Variants in CUBN observed in about 807,000 individuals in gnomAD.
The protein encoded by CUBN is 460 kDa receptor.
CUBN carries 282 observed loss-of-function variants against 405.3 expected under a neutral mutation model. The observed-to-expected ratio is 0.70, with a 90% confidence interval of 0.63 to 0.77. CUBN has a LOEUF of 0.77. Ranked by LOEUF, CUBN falls within the 30% of genes least tolerant of loss-of-function variation. The pLI is 0.00. For synonymous variants in CUBN, 1,684 were observed against 1,617.0 expected, an observed-to-expected ratio of 1.04 and a Z score of -0.99; for missense variants, 4,514 against 4,475.2, an observed-to-expected ratio of 1.01 and a Z score of -0.25.
intron 65 of CUBN, among the ~76,000 whole-genome samples, chr10:16,829,806 TG>T (rs1838920959): frequency 6.6e-6 from 1 of 151,924 alleles, no homozygotes; most frequent in Non-Finnish European, 1.5e-5. Flanking sequence ...TCATTAATCT[TG>T]GTGGGTTTTT....
At chr10:16,939,825 C>G (rs1242535708) in intron 37 of CUBN, among the ~76,000 whole-genome samples, 2 of 152,054 alleles carry the variant, frequency 1.3e-5, no homozygotes, top group Non-Finnish European at 2.9e-5. Flanking sequence ...AACAATAGAA[C>G]CATTGAGAGT....
chr10:16,914,226 T>A (rs1841816722), intron 47 of CUBN, among the ~76,000 whole-genome samples: 1 of 152,120 alleles, frequency 6.6e-6, no homozygotes, highest in South Asian at 2.1e-4. Flanking sequence ...TTAGTTATCA[T>A]CATGGCCCAA....
chr10:16,897,957 T>C (rs1477099644), intron 54 of CUBN, among the ~76,000 whole-genome samples: 2 of 152,134 alleles, frequency 1.3e-5, no homozygotes, highest in Admixed American at 6.5e-5. Context: ...CTTGAAAGTT[T>C]TACTTAAGTC....
intron 56 of CUBN, among the ~76,000 whole-genome samples, chr10:16,884,400 T>C (rs1180983086): frequency 6.6e-6 from 1 of 152,148 alleles, no homozygotes; most frequent in Admixed American, 6.5e-5. Flanking sequence ...TTTTTTTTTT[T>C]TTTAGCAGAT....
rs1411111517 is a variant in CUBN, at chr10:16,990,499, C to A, written c.4185G>T (p.Leu1395=). ...QWFVYGCGGE[L]SGATGSFSSP... ...TGCTGAAGGAGCCTGTGGCCCCAGACAGCTCTCCACCACAACCTGTTAAAA... is the reference window on the plus strand; with the variant it reads ...TGCTGAAGGAGCCTGTGGCCCCAGAAAGCTCTCCACCACAACCTGTTAAAA... Residue 1395 remains leucine, a synonymous_variant, in exon 29 of 67, where the codon CTG becomes CTT. Transcript: ENST00000377833. The A allele has an allele frequency of 1.6e-5, 26 of 1,614,174 alleles. No homozygotes were observed. The highest frequency in any genetic ancestry group is 1.8e-5 in the Non-Finnish European group (21 of 1,180,040).
chr10:16,875,494 C>A (rs565402370), intron 57 of CUBN, among the ~76,000 whole-genome samples: 1 of 152,156 alleles, frequency 6.6e-6, no homozygotes, highest in South Asian at 2.1e-4. Flanking sequence ...CCATGTCAGG[C>A]TCTTTATTTC....
chr10:17,100,169 A>G lies in CUBN; in HGVS notation c.1601T>C (p.Val534Ala), dbSNP rs1310795057. Residue 534 changes from valine to alanine, a missense_variant, in exon 14 of 67, where the codon GTT becomes GCT. Val to Ala is a moderately conservative substitution (Grantham distance 64). Transcript: ENST00000377833. ...MDNCPHEFLQ[V>A]YDGDSSSAFQ... Reference sequence around the variant, plus strand: ...AGCAGAAGAGGAATCTCCATCATAAACCTGAAGAAACTCGTGTGGACAGTT... The same window carrying G: ...AGCAGAAGAGGAATCTCCATCATAAGCCTGAAGAAACTCGTGTGGACAGTT... 7 of 1,614,090 alleles carry G rather than the reference A, an allele frequency of 4.3e-6. No homozygotes were observed. The highest frequency in any genetic ancestry group is 5.1e-6 in the Non-Finnish European group (6 of 1,179,976).
chr10:16,880,351 G>A (rs1056479502), intron 56 of CUBN, among the ~76,000 whole-genome samples: 3 of 152,212 alleles, frequency 2.0e-5, no homozygotes, highest in African/African-American at 7.2e-5. Flanking sequence ...CCAATCAGAT[G>A]TGTCCAAACT....
chr10:16,901,565 A>T, intron 51 of CUBN, 106 bp from the exon 52 acceptor site: 3 of 1,451,224 alleles, frequency 2.1e-6, no homozygotes, highest in Non-Finnish European at 2.8e-6. Context: ...GATTAAAAAC[A>T]TAGTAAGGCC....
intron 28 of CUBN, among the ~76,000 whole-genome samples, chr10:17,010,184 G>A (rs1275166705): frequency 6.6e-6 from 1 of 152,142 alleles, no homozygotes; most frequent in Admixed American, 6.5e-5. Flanking sequence ...TGAAATTCTG[G>A]GCCATTTCCC....
At chr10:17,115,629 C>T in intron 6 of CUBN, 32 bp from the exon 7 acceptor site, 1 of 1,613,816 alleles carries the variant, frequency 6.2e-7, no homozygotes, top group Non-Finnish European at 8.5e-7. Flanking sequence ...AATGTCAGGG[C>T]ACGCGCTTTG....
chr10:16,981,355 T>C (rs1833267357), intron 31 of CUBN, among the ~76,000 whole-genome samples: 1 of 152,180 alleles, frequency 6.6e-6, no homozygotes, highest in South Asian at 2.1e-4. Context: ...GAGCCACTTC[T>C]ACCTCTTAAT....
rs1221172257 is a variant in CUBN, at chr10:17,114,140, C to T, written c.770G>A (p.Ser257Asn). 2 of 1,613,600 alleles carry T rather than the reference C, an allele frequency of 1.2e-6. No individual in the cohort carries two copies. The highest frequency in any genetic ancestry group is 2.2e-5 in the South Asian group (2 of 90,900). The change falls in exon 8 of 67, where the codon AGC becomes AAC. Residue 257 changes from serine to asparagine, a missense_variant. This residue lies in a region of CUBN where 1,448 missense variants were observed against 1,388.0 expected (regional missense o/e 1.04). Coordinates refer to ENST00000377833, the MANE Select transcript of CUBN (RefSeq NM_001081.4). ...GTCTCTGTCCAGCGTGCAGGCAGGG[C>T]TGTTGGGTGAAAACATCCACCCAGC... Reference protein sequence around the residue: ...CDAGWMFSPNSPACTLDRDEC... With the variant: ...CDAGWMFSPNNPACTLDRDEC...
intron 29 of CUBN, among the ~76,000 whole-genome samples, chr10:16,985,250 A>G (rs1455413352): frequency 6.6e-6 from 1 of 152,222 alleles, no homozygotes. Context: ...GGGCAGATGA[A>G]TAGAAGAGCA....
intron 27 of CUBN, among the ~76,000 whole-genome samples, chr10:17,025,388 C>G (rs1159446533): frequency 6.6e-6 from 1 of 152,130 alleles, no homozygotes; most frequent in Non-Finnish European, 1.5e-5. Context: ...TGTTCATAGC[C>G]CAGCTCTAAA....
At chr10:17,109,473 T>C (rs778421480) in intron 10 of CUBN, among the ~76,000 whole-genome samples, 167 bp downstream of exon 10, 2 of 152,232 alleles carry the variant, frequency 1.3e-5, no homozygotes, top group Non-Finnish European at 2.9e-5. Flanking sequence ...CATAGTTTAT[T>C]ACATATTTAA....
chr10:16,845,920 C>G (rs1271646591), intron 60 of CUBN, among the ~76,000 whole-genome samples: 2 of 152,308 alleles, frequency 1.3e-5, no homozygotes, highest in South Asian at 2.1e-4. Context: ...TGGGTCATCA[C>G]TATAATTTGG....
chr10:17,060,978 G>A (rs1835493482), intron 22 of CUBN, among the ~76,000 whole-genome samples: 1 of 152,170 alleles, frequency 6.6e-6, no homozygotes, highest in Non-Finnish European at 1.5e-5. Flanking sequence ...GAACCTAGGA[G>A]GCAGAGGTTG....
Position 16,920,047 on chromosome 10 carries a change from T to G in CUBN, c.6737A>C (p.Asp2246Ala). 2 of 1,613,978 alleles carry G rather than the reference T, an allele frequency of 1.2e-6. No homozygotes were observed. The highest frequency in any genetic ancestry group is 2.2e-5 in the South Asian group (2 of 91,064). ...NHPHNYPPHA[D>A]CIWILAAPPE... is the part of the protein sequence containing the mutation. Reference sequence around the variant, plus strand: ...TGGAGCCGCTAAGATCCAAATGCAATCAGCGTGCGGGGGATAATTATGAGG... The same window carrying G: ...TGGAGCCGCTAAGATCCAAATGCAAGCAGCGTGCGGGGGATAATTATGAGG... Residue 2246 changes from aspartate (D) to alanine (A), a missense_variant, in exon 44 of 67, where the codon GAT becomes GCT. By Grantham distance (126) the Asp-to-Ala change is moderately radical. Around this residue, in one of 5 missense-constraint regions of CUBN, gnomAD observed 1,613 missense variants for 1,542.8 expected, o/e 1.05. Coordinates refer to ENST00000377833, the MANE Select transcript of CUBN (RefSeq NM_001081.4).
Sources: gnomAD v4.1 joint callset for allele counts (sites outside exome capture counted in the v4.1 genomes callset) on GRCh38, gnomAD v4.1.1 for gene constraint, gnomAD v4.1.1 regional missense constraint, MANE v1.5 for transcripts, NCBI Gene and HGNC (gene_info 2026-07-23, HGNC 2026-07-21) for gene names.